The following GRID2 variants were observed in gnomAD, a reference collection of about 807,000 sequenced individuals.
GRID2 encodes glutamate receptor ionotropic, delta-2.
In GRID2, 33 loss-of-function variants were observed where a neutral mutation model predicts 114.8. That is an observed-to-expected ratio of 0.29 (90% CI 0.22 to 0.38). GRID2 has a LOEUF of 0.38. Ranked by LOEUF, GRID2 falls within the 10% of genes least tolerant of loss-of-function variation. The probability of loss-of-function intolerance (pLI) is 1.00; values close to 1 mark genes in which losing one functional copy is unlikely to be tolerated. For missense variants in GRID2, 1,184 were observed against 1,257.7 expected, an observed-to-expected ratio of 0.94 and a Z score of 0.89; for synonymous variants, 505 against 449.9, an observed-to-expected ratio of 1.12 and a Z score of -1.55.
At chr4:92,504,527 C>T (rs910079786) in intron 1 of GRID2, among the ~76,000 whole-genome samples, 5 of 151,980 alleles carry the variant, frequency 3.3e-5, no homozygotes, top group African/African-American at 9.7e-5. Context: ...TAATAAACAA[C>T]ATAATTTTCT....
At chr4:92,620,327 T>G (rs2149237626) in intron 2 of GRID2, among the ~76,000 whole-genome samples, 1 of 151,890 alleles carries the variant, frequency 6.6e-6, no homozygotes, top group African/African-American at 2.4e-5. Context: ...ATAAAACCAG[T>G]CAGCAGTCTT....
intron 2 of GRID2, among the ~76,000 whole-genome samples, chr4:92,971,024 A>T (rs2149171158): frequency 6.6e-6 from 1 of 151,936 alleles, no homozygotes; most frequent in South Asian, 2.1e-4. Flanking sequence ...TAAAAAAAAA[A>T]ATTTGTACAG....
rs557924755 is a variant in GRID2, at chr4:93,043,771, G to T, written c.245-41224G>T. Among the ~76,000 whole-genome samples, 5 of 152,170 alleles carry T rather than the reference G, an allele frequency of 3.3e-5. No homozygotes were observed. In the South Asian group the frequency reaches 6.2e-4, roughly 19 times the overall value. ...AACACCGGGGCCTGTCGTGGGGTGGGGGGAGCGGGGAGGGAATAGCATTAG... is the reference window on the plus strand; with the variant it reads ...AACACCGGGGCCTGTCGTGGGGTGGTGGGAGCGGGGAGGGAATAGCATTAG... On this transcript the variant is annotated intron_variant, in intron 2 of 15. Coordinates refer to ENST00000282020, the MANE Select transcript of GRID2 (RefSeq NM_001510.4).
intron 2 of GRID2, among the ~76,000 whole-genome samples, chr4:92,957,484 G>T (rs1210402081): frequency 6.6e-6 from 1 of 151,678 alleles, no homozygotes; most frequent in Non-Finnish European, 1.5e-5. Context: ...TCTCTTTCTG[G>T]ACTCTTTTCT....
intron 2 of GRID2, among the ~76,000 whole-genome samples, chr4:92,871,427 T>A (rs1411327304): frequency 6.6e-6 from 1 of 152,126 alleles, no homozygotes; most frequent in Non-Finnish European, 1.5e-5. Context: ...ACCTAGAAGG[T>A]CCCTAACATG....
chr4:92,890,753 C>A (rs1462705040), intron 2 of GRID2, among the ~76,000 whole-genome samples: 1 of 152,128 alleles, frequency 6.6e-6, no homozygotes, highest in Admixed American at 6.5e-5. Context: ...CCCAGCAATC[C>A]CATTACTGGG....
chr4:92,941,357 G>T (rs2149536063), intron 2 of GRID2, among the ~76,000 whole-genome samples: 1 of 152,266 alleles, frequency 6.6e-6, no homozygotes, highest in African/African-American at 2.4e-5. Context: ...TATTTGCATA[G>T]AGGTGTTTAT....
At chr4:93,082,879 A>G (rs1729995533) in intron 2 of GRID2, among the ~76,000 whole-genome samples, 1 of 152,228 alleles carries the variant, frequency 6.6e-6, no homozygotes, top group South Asian at 2.1e-4. Flanking sequence ...TTTTATGCTA[A>G]AGCAAATGTA....
chr4:93,808,587 G>A (rs987754934), exon 2 of GRID2: 1 of 152,182 alleles, frequency 6.6e-6, no homozygotes, highest in Non-Finnish European at 1.5e-5. Flanking sequence ...TGGATATCTA[G>A]TTTCAGATGG....
At chr4:92,567,475 G>T (rs570883099) in intron 1 of GRID2, among the ~76,000 whole-genome samples, 44 of 152,048 alleles carry the variant, frequency 2.9e-4, no homozygotes, top group African/African-American at 1.1e-3. Flanking sequence ...CTGCTGGTTC[G>T]TCATATCTTA....
chr4:92,692,290 T>G (rs1376431346), intron 2 of GRID2, among the ~76,000 whole-genome samples: 2 of 152,212 alleles, frequency 1.3e-5, no homozygotes, highest in Non-Finnish European at 2.9e-5. Flanking sequence ...TACTACACTG[T>G]AGCACCTTGT....
At position 93,543,710 on chromosome 4, in the gene GRID2, T is replaced by TAGATAGAGAG. The variant is rs1732887997; in HGVS notation, c.2193+28302_2193+28303insTAGAGAGAGA. On this transcript the variant is annotated intron_variant, in intron 13 of 15. Transcript: ENST00000282020. ...AGCAAGAGTGAGAGTGAGTGAGAGA[T>TAGATAGAGAG]AGAGAGAGAGAGAGAGAGAGAGAGA... Among the ~76,000 whole-genome samples, 4 of 133,594 alleles carry TAGATAGAGAG rather than the reference T, an allele frequency of 3.0e-5. No individual in the cohort carries two copies. The South Asian group carries it at 7.8e-4, about 26-fold the overall frequency. 87.6% of individuals were successfully genotyped at this position (133,594 alleles called of 152,430 possible).
intron 1 of GRID2, among the ~76,000 whole-genome samples, chr4:92,574,958 A>G (rs1054758929): frequency 8.5e-5 from 13 of 152,188 alleles, no homozygotes; most frequent in Non-Finnish European, 1.8e-4. Context: ...CAGGTACCCC[A>G]ATCAGTTATA....
intron 4 of GRID2, among the ~76,000 whole-genome samples, chr4:93,179,173 C>T (rs561601718): frequency 5.4e-4 from 82 of 152,188 alleles, no homozygotes; most frequent in African/African-American, 1.9e-3. Flanking sequence ...AATCTGAAAC[C>T]GTTGGGTTTG....
chr4:92,514,993 T>A (rs1283995691), intron 1 of GRID2, among the ~76,000 whole-genome samples: 1 of 151,882 alleles, frequency 6.6e-6, no homozygotes, highest in African/African-American at 2.4e-5. Context: ...CAGGTCTCCA[T>A]CCAGCAGCGG....
At chr4:92,305,738 C>G (rs1396944918) in intron 1 of GRID2, among the ~76,000 whole-genome samples, 1 of 152,130 alleles carries the variant, frequency 6.6e-6, no homozygotes, top group African/African-American at 2.4e-5. Flanking sequence ...GCACAGCGCT[C>G]GCAGCTTCAG....
intron 1 of GRID2, among the ~76,000 whole-genome samples, chr4:92,372,238 T>C (rs1275196877): frequency 6.6e-6 from 1 of 152,168 alleles, no homozygotes; most frequent in Non-Finnish European, 1.5e-5. Context: ...GCTAGCATGG[T>C]TTAGAGCATG....
intron 4 of GRID2, among the ~76,000 whole-genome samples, chr4:93,129,411 C>T (rs13117792): frequency 0.46 from 69,171 of 151,810 alleles, 16,383 homozygotes; most frequent in Admixed American, 0.6. Context: ...GCAGGATCCC[C>T]CAGGTCTTTC....
At chr4:92,831,240 A>G (rs1244994578) in intron 2 of GRID2, among the ~76,000 whole-genome samples, 2 of 152,202 alleles carry the variant, frequency 1.3e-5, no homozygotes, top group East Asian at 3.9e-4. Context: ...AGAAAGCAAC[A>G]GAAATTTACC....
Sources: allele counts gnomAD v4.1 joint callset (sites outside exome capture counted in the v4.1 genomes callset), GRCh38; gene constraint gnomAD v4.1.1; transcripts MANE v1.5; gene names NCBI Gene and HGNC (gene_info 2026-07-23, HGNC 2026-07-21).